Variants in ZKSCAN5 observed in about 807,000 individuals in gnomAD.
ZKSCAN5 encodes the protein zinc finger with KRAB and SCAN domains 5.
A neutral mutation model predicts 60.0 loss-of-function variants in ZKSCAN5; 28 were observed. That is an observed-to-expected ratio of 0.47 (90% CI 0.35 to 0.64). The LOEUF (loss-of-function observed/expected upper bound fraction) is 0.64. ZKSCAN5 is among the 30% of genes least tolerant of loss of function. The probability of loss-of-function intolerance (pLI) is 0.01; values close to 1 mark genes in which losing one functional copy is unlikely to be tolerated. For missense variants in ZKSCAN5, 881 were observed against 1,034.6 expected (o/e 0.85, Z 2.04); for synonymous variants, 361 against 371.2 (o/e 0.97, Z 0.31).
At chr7:99,513,777 C>A in intron 3 of ZKSCAN5, 1 of 322,316 alleles carries the variant, frequency 3.1e-6, no homozygotes, top group Non-Finnish European at 6.4e-6. Context: ...CTTGTAATCC[C>A]TGCACTTTGG....
intron 5 of ZKSCAN5, among the ~76,000 whole-genome samples, chr7:99,521,626 A>G (rs1801544370): frequency 6.6e-6 from 1 of 152,090 alleles, no homozygotes; most frequent in African/African-American, 2.4e-5. Context: ...ATTTTTAATT[A>G]CTATTGATAT....
rs1296839188 is a variant in ZKSCAN5, at chr7:99,531,462, G to A, written c.1733G>A (p.Arg578Lys). Residue 578 changes from arginine (R) to lysine (K), a missense_variant, in exon 7 of 7, where the codon AGG (arginine) becomes AAG (lysine). Physicochemically the swap from Arg to Lys is conservative, Grantham distance 26. Transcript: ENST00000326775. Reference sequence around the variant, plus strand: ...ATACACACTGGGGAGAAACCATTCAGGTGTGAGGAATGTGGGAAAAGCTAC... The same window carrying A: ...ATACACACTGGGGAGAAACCATTCAAGTGTGAGGAATGTGGGAAAAGCTAC... ...QRIHTGEKPF[R>K]CEECGKSYNQ... is the part of the protein sequence containing the mutation. 2 of 1,614,158 alleles carry A rather than the reference G, an allele frequency of 1.2e-6. No homozygotes were observed. Among genetic ancestry groups the A allele is most frequent in the African/African-American group, 2.7e-5 (2 of 75,032 alleles).
In ZKSCAN5 at chr7:99,506,371, G is replaced by T. The variant is rs1800727790; in HGVS notation, c.327G>T (p.Trp109Cys). 3 of 1,614,076 alleles carry T rather than the reference G, an allele frequency of 1.9e-6. No individual in the cohort carries two copies. The highest frequency in any genetic ancestry group is 2.5e-6 in the Non-Finnish European group (3 of 1,180,044). ...TCCTGCCTGAAGAGTTCCAGCCCTG[G>T]GTGAGGGAACATCACCCTGAAAGTG... is the stretch of plus-strand genomic sequence containing the variant. ...LTILPEEFQP[W>C]VREHHPESGE... Residue 109 changes from tryptophan (W) to cysteine (C), a missense_variant, in exon 2 of 7, where the codon TGG becomes TGT. By Grantham distance (215) the Trp-to-Cys change is radical. This residue lies in a region of ZKSCAN5 where 53 missense variants were observed against 88.7 expected (regional missense o/e 0.60). Coordinates refer to ENST00000326775, the MANE Select transcript of ZKSCAN5 (RefSeq NM_145102.4).
chr7:99,519,756 A>G, intron 3 of ZKSCAN5, 71 bp from the exon 4 acceptor site: 1 of 1,471,870 alleles, frequency 6.8e-7, no homozygotes, highest in East Asian at 2.3e-5. Context: ...TCCTGAGCAT[A>G]AGAGGAACAT....
At chr7:99,520,527 T>C (rs1282374341) in intron 5 of ZKSCAN5, among the ~76,000 whole-genome samples, 1 of 152,106 alleles carries the variant, frequency 6.6e-6, no homozygotes, top group East Asian at 1.9e-4. Flanking sequence ...CTGATAGTAC[T>C]TGGGGGGACT....
In ZKSCAN5 at chr7:99,533,305, T is replaced by C; in HGVS notation, c.*1056T>C. ...GCCCTGCCTTCCAGGAAGGTTGGGG[T>C]GGGAGTTTTGAGTGGGAAAGAGGAT... On this transcript the variant is annotated 3_prime_UTR_variant, in exon 7 of 7. Coordinates refer to ENST00000326775, the MANE Select transcript of ZKSCAN5 (RefSeq NM_145102.4). 1 of 655,788 alleles carries C rather than the reference T, an allele frequency of 1.5e-6. No individual in the cohort carries two copies. Among genetic ancestry groups the C allele is most frequent in the Non-Finnish European group, 2.8e-6 (1 of 355,142 alleles). The allele number at this position is 655,788 out of a possible 1,614,324, so 40.6% of individuals were successfully genotyped here. A position where few individuals can be genotyped will look rare whatever the true frequency, so the allele number is the denominator to read the frequency against.
rs1015590699 is a variant in ZKSCAN5, at chr7:99,532,057, T to C, written c.2328T>C (p.His776=). The C allele has an allele frequency of 1.4e-5, 22 of 1,614,080 alleles. No homozygotes were observed. The highest frequency in any genetic ancestry group is 1.3e-4 in the Admixed American group (8 of 60,000). Residue 776 remains histidine, a synonymous_variant, in exon 7 of 7, where the codon CAT becomes CAC. Coordinates refer to ENST00000326775, the MANE Select transcript of ZKSCAN5 (RefSeq NM_145102.4). The part of the protein sequence containing the change: ...IYSSTKSHQC[H]ECGRGFTLKS... ...CCAGCACAAAATCCCATCAATGTCA[T>C]GAATGTGGCAGAGGCTTCACTCTGA...
chr7:99,532,150 A>C lies in ZKSCAN5; in HGVS notation c.2421A>C (p.Gly807=), dbSNP rs763196461. 6.2e-7 allele frequency: 1 copy of C among 1,613,906 alleles called. No homozygotes were observed. The highest frequency in any genetic ancestry group is 1.7e-5 in the Admixed American group (1 of 60,028). ...AACCTTTTCAATGTAAAGAATGTGG[A>C]ATGAATTTCAGCTGGAGTTGTAGCC... ...GEKPFQCKEC[G]MNFSWSCSLF... Residue 807 remains glycine, a synonymous_variant, in exon 7 of 7, where the codon GGA becomes GGC. Coordinates refer to ENST00000326775, the MANE Select transcript of ZKSCAN5 (RefSeq NM_145102.4).
chr7:99,528,380 T>C (rs372239431), intron 6 of ZKSCAN5, among the ~76,000 whole-genome samples: 1 of 152,220 alleles, frequency 6.6e-6, no homozygotes, highest in African/African-American at 2.4e-5. Flanking sequence ...CTATGGCTAG[T>C]TTCCCAGTGA....
At chr7:99,506,713 C>A (rs535876077) in intron 2 of ZKSCAN5, among the ~76,000 whole-genome samples, 1 of 152,188 alleles carries the variant, frequency 6.6e-6, no homozygotes, top group Non-Finnish European at 1.5e-5. Flanking sequence ...GACGGAGTCT[C>A]GCTCTGTCGC....
chr7:99,510,151 C>T (rs1800951686), intron 2 of ZKSCAN5, among the ~76,000 whole-genome samples: 1 of 151,920 alleles, frequency 6.6e-6, no homozygotes, highest in Non-Finnish European at 1.5e-5. Flanking sequence ...CTAGCCTGGT[C>T]TGGAACTCCT....
intron 3 of ZKSCAN5, among the ~76,000 whole-genome samples, chr7:99,514,841 T>G (rs1584177964): frequency 6.6e-6 from 1 of 150,660 alleles, no homozygotes; most frequent in African/African-American, 2.4e-5. Context: ...AACCCGGGAG[T>G]TGGAGGTTGC....
intron 3 of ZKSCAN5, among the ~76,000 whole-genome samples, chr7:99,515,789 G>A (rs1214000184): frequency 4.7e-5 from 7 of 148,482 alleles, no homozygotes; most frequent in East Asian, 2.0e-4. Flanking sequence ...AGCAGAGATC[G>A]TACCACTGCA....
chr7:99,508,907 C>T (rs1800895499), intron 2 of ZKSCAN5, among the ~76,000 whole-genome samples: 1 of 151,256 alleles, frequency 6.6e-6, no homozygotes, highest in South Asian at 2.1e-4. Flanking sequence ...CTCCCAGGCT[C>T]AAGCAATTCT....
At chr7:99,506,886 C>A (rs1222356670) in intron 2 of ZKSCAN5, among the ~76,000 whole-genome samples, 2 of 140,710 alleles carry the variant, frequency 1.4e-5, no homozygotes, top group African/African-American at 5.4e-5. Flanking sequence ...TTAGTAGAGA[C>A]GGGGTTTCAC....
chr7:99,526,250 TGTCAG>T lies in ZKSCAN5; in HGVS notation c.1213_1217del (p.Gln405ValfsTer28). On this transcript the variant is annotated frameshift_variant, in exon 6 of 7. Coordinates refer to ENST00000326775, the MANE Select transcript of ZKSCAN5 (RefSeq NM_145102.4). LOFTEE classifies it high-confidence loss of function. ...CCACACAGGGGAGAAACCCTACAAA[TGTCAG>T]GTGTGCGGAAAGGCTTTCCGGGTGA... The T allele has an allele frequency of 6.2e-7, 1 of 1,614,052 alleles. No individual in the cohort carries two copies. Among genetic ancestry groups the T allele is most frequent in the Non-Finnish European group, 8.5e-7 (1 of 1,180,018 alleles).
At position 99,533,163 on chromosome 7, in the gene ZKSCAN5, G is replaced by C; in HGVS notation, c.*914G>C. 1.8e-6 allele frequency: 1 copy of C among 544,444 alleles called. No individual in the cohort carries two copies. Among genetic ancestry groups the C allele is most frequent in the Non-Finnish European group, 3.5e-6 (1 of 282,646 alleles). 33.7% of individuals were successfully genotyped at this position (544,444 alleles called of 1,614,324 possible). ...CAGCAGTATGTGTGCTGACTTCTGG[G>C]TGCCCCAGAAATAGACCTCTCCTGT... On this transcript the variant is annotated 3_prime_UTR_variant, in exon 7 of 7. Coordinates refer to ENST00000326775, the MANE Select transcript of ZKSCAN5 (RefSeq NM_145102.4).
At chr7:99,511,999 A>T (rs879409996) in intron 2 of ZKSCAN5, among the ~76,000 whole-genome samples, 2 of 152,006 alleles carry the variant, frequency 1.3e-5, no homozygotes, top group African/African-American at 2.4e-5. Context: ...TCACCGTGTT[A>T]GCCAGATTGG....
At chr7:99,530,287 G>T (rs536189985) in intron 6 of ZKSCAN5, among the ~76,000 whole-genome samples, 1 of 151,936 alleles carries the variant, frequency 6.6e-6, no homozygotes, top group Non-Finnish European at 1.5e-5. Context: ...TGCCCGCCTC[G>T]GCCTCCCATA....
Sources: allele counts gnomAD v4.1 joint callset (sites outside exome capture counted in the v4.1 genomes callset), GRCh38; gene constraint gnomAD v4.1.1; regional missense constraint gnomAD v4.1.1; transcripts MANE v1.5; gene names NCBI Gene and HGNC (gene_info 2026-07-23, HGNC 2026-07-21).